Variants in PCNX1 observed in about 807,000 individuals in gnomAD.
PCNX1 encodes pecanex-like protein 1.
A neutral mutation model predicts 242.2 loss-of-function variants in PCNX1; 78 were observed. The observed-to-expected ratio is 0.32, with a 90% confidence interval of 0.27 to 0.39. PCNX1 has a LOEUF of 0.39. Among genes scored for constraint, PCNX1 ranks in the 10% least tolerant of loss-of-function variants. PCNX1 has a pLI of 1.00. For missense variants in PCNX1, 2,581 were observed against 2,856.5 expected (o/e 0.90, Z 2.20); for synonymous variants, 1,024 against 1,032.9 (o/e 0.99, Z 0.17).
chr14:71,088,539 T>G, intron 29 of PCNX1, 109 bp downstream of exon 29: 2 of 601,448 alleles, frequency 3.3e-6, no homozygotes, highest in South Asian at 2.4e-5. Flanking sequence ...TATTGTAAAG[T>G]CTTTTTAGGT....
At chr14:70,943,387 A>G (rs2057335283) in intron 1 of PCNX1, among the ~76,000 whole-genome samples, 1 of 152,144 alleles carries the variant, frequency 6.6e-6, no homozygotes, top group East Asian at 1.9e-4. Flanking sequence ...GGACATGAGG[A>G]ACTTATTAGG....
At chr14:71,074,988 C>CCCT (rs1566778437) in intron 27 of PCNX1, among the ~76,000 whole-genome samples, 1 of 135,050 alleles carries the variant, frequency 7.4e-6, no homozygotes, top group Non-Finnish European at 1.6e-5. Flanking sequence ...TTCTTTTCTT[C>CCCT]TCTTTTTTTT....
intron 2 of PCNX1, among the ~76,000 whole-genome samples, chr14:70,953,519 A>G (rs2057870107): frequency 6.6e-6 from 1 of 151,312 alleles, no homozygotes; most frequent in African/African-American, 2.4e-5. Context: ...TTAGTTATGT[A>G]TATATTACAG....
At chr14:71,004,209 A>G (rs1230159270) in intron 8 of PCNX1, among the ~76,000 whole-genome samples, 2 of 152,214 alleles carry the variant, frequency 1.3e-5, no homozygotes, top group East Asian at 1.9e-4. Context: ...TAAAGTATGT[A>G]TTATCTGGCC....
intron 2 of PCNX1, 122 bp downstream of exon 2, chr14:70,947,245 C>T (rs1344634283): frequency 3.0e-5 from 21 of 702,816 alleles, no homozygotes; most frequent in Non-Finnish European, 4.7e-5. Flanking sequence ...TAGATCTTAC[C>T]ACTGTAGATA....
intron 13 of PCNX1, among the ~76,000 whole-genome samples, chr14:71,025,291 C>G (rs954144475): frequency 6.6e-6 from 1 of 152,144 alleles, no homozygotes. Context: ...GAGTCCATCA[C>G]GCAGCTTTCT....
At chr14:71,015,205 G>T (rs1044333338) in intron 11 of PCNX1, among the ~76,000 whole-genome samples, 2 of 152,196 alleles carry the variant, frequency 1.3e-5, no homozygotes, top group Admixed American at 6.5e-5. Flanking sequence ...GTTGGAGGAT[G>T]TCTTTCAGGC....
chr14:71,006,276 C>G (rs1327950057), intron 8 of PCNX1, among the ~76,000 whole-genome samples: 2 of 152,066 alleles, frequency 1.3e-5, no homozygotes, highest in Non-Finnish European at 2.9e-5. Context: ...GCATGAGCTA[C>G]TGCGCCTGGC....
At chr14:71,043,602 T>C (rs560505057) in intron 19 of PCNX1, among the ~76,000 whole-genome samples, 1 of 150,288 alleles carries the variant, frequency 6.7e-6, no homozygotes, top group South Asian at 2.2e-4. Flanking sequence ...CTAGATCTAA[T>C]CTATTGTTGA....
chr14:70,952,498 G>A (rs1334994485), intron 2 of PCNX1, among the ~76,000 whole-genome samples: 2 of 152,042 alleles, frequency 1.3e-5, no homozygotes, highest in Admixed American at 6.5e-5. Context: ...ACTCTTCGTA[G>A]ATATTCCTGA....
At chr14:71,026,967 C>A in intron 15 of PCNX1, 85 bp downstream of exon 15, 1 of 609,698 alleles carries the variant, frequency 1.6e-6, no homozygotes, top group African/African-American at 2.0e-5. Context: ...AAATGCTTTT[C>A]CAGTTTTCAC....
At chr14:70,914,865 A>G (rs188026050) in intron 1 of PCNX1, among the ~76,000 whole-genome samples, 7 of 152,306 alleles carry the variant, frequency 4.6e-5, no homozygotes, top group Admixed American at 3.3e-4. Flanking sequence ...ATAAATGCAC[A>G]CGTTTGCGTA....
chr14:71,033,429 G>A lies in PCNX1; in HGVS notation c.3559G>A (p.Asp1187Asn). ...LYGLCYGALK[D>N]SWDGQHIPVL... is the part of the protein sequence containing the mutation. The stretch of plus-strand genomic sequence containing the variant: ...TTCTGTTAAATTCATTTTTCCGCAG[G>A]ATTCTTGGGATGGCCAGCATATTCC... The change falls in exon 17 of 36, where the codon GAT (aspartate) becomes AAT (asparagine). Residue 1187 changes from aspartate (D) to asparagine (N), a missense_variant and splice_region_variant. Physicochemically the swap from Asp to Asn is conservative, Grantham distance 23. Coordinates refer to ENST00000304743, the MANE Select transcript of PCNX1 (RefSeq NM_014982.3). 1 of 1,525,302 alleles carries A rather than the reference G, an allele frequency of 6.6e-7. No homozygotes were observed. Among genetic ancestry groups the A allele is most frequent in the Non-Finnish European group, 9.1e-7 (1 of 1,101,906 alleles). 94.5% of individuals were successfully genotyped at this position (1,525,302 alleles called of 1,614,324 possible). A position where few individuals can be genotyped will look rare whatever the true frequency, so the allele number is the denominator to read the frequency against.
chr14:70,984,501 C>T (rs2058938784), intron 6 of PCNX1, among the ~76,000 whole-genome samples: 1 of 151,206 alleles, frequency 6.6e-6, no homozygotes, highest in Non-Finnish European at 1.5e-5. Flanking sequence ...ATTCTCCTGC[C>T]TCAGCCTCCC....
chr14:70,976,250 A>G (rs2058682023), intron 5 of PCNX1, among the ~76,000 whole-genome samples: 1 of 152,174 alleles, frequency 6.6e-6, no homozygotes, highest in African/African-American at 2.4e-5. Flanking sequence ...TTTGCAGATG[A>G]GGAAACAGAT....
Position 71,105,386 on chromosome 14 carries a change from C to T in PCNX1, c.6247C>T (p.Gln2083Ter). The T allele has an allele frequency of 6.2e-7, 1 of 1,614,048 alleles. No individual in the cohort carries two copies. Among genetic ancestry groups the T allele is most frequent in the Non-Finnish European group, 8.5e-7 (1 of 1,179,966 alleles). The change falls in exon 33 of 36, where the codon CAG becomes TAG. Residue 2083 changes from glutamine to a stop codon, truncating the protein, a stop_gained. Coordinates refer to ENST00000304743, the MANE Select transcript of PCNX1 (RefSeq NM_014982.3). LOFTEE classifies it high-confidence loss of function. Reference protein sequence around the residue: ...VTQGSIGNPGQGSGTGLHPPV... With the variant: ...VTQGSIGNPG ...CCAGGGAAGCATTGGAAATCCTGGG[C>T]AGGGATCAGGAACTGGACTCCACCC...
chr14:71,003,440 A>G (rs2059568722), intron 8 of PCNX1, among the ~76,000 whole-genome samples: 1 of 152,016 alleles, frequency 6.6e-6, no homozygotes, highest in African/African-American at 2.4e-5. Flanking sequence ...TTGATATTTT[A>G]AATACAACTT....
At position 70,976,354 on chromosome 14, in the gene PCNX1, C is replaced by CTCTT. The variant is rs370904774; in HGVS notation, c.605-570_605-567dup. 1.7e-3 allele frequency among the ~76,000 whole-genome samples: 233 copies of CTCTT among 139,478 alleles called. 1 individual carries two copies. Among genetic ancestry groups the CTCTT allele is most frequent in the African/African-American group, 5.6e-3 (208 of 37,206 alleles). The allele number at this position is 139,478 out of a possible 152,430, so 91.5% of individuals were successfully genotyped here. A position where few individuals can be genotyped will look rare whatever the true frequency, so the allele number is the denominator to read the frequency against. ...CTATTTTAAGTATAGTCCTTTGTTG[C>CTCTT]TCTTTCTTTCTTTCTTTCTTTTTTT... is the stretch of plus-strand genomic sequence containing the variant. On this transcript the variant is annotated intron_variant, in intron 5 of 35. Transcript: ENST00000304743.
intron 5 of PCNX1, among the ~76,000 whole-genome samples, chr14:70,973,717 A>G (rs1011966842): frequency 6.6e-6 from 1 of 152,164 alleles, no homozygotes; most frequent in African/African-American, 2.4e-5. Context: ...GATAGGGATG[A>G]TCAGAGAGAG....
Sources: allele counts gnomAD v4.1 joint callset (sites outside exome capture counted in the v4.1 genomes callset), GRCh38; gene constraint gnomAD v4.1.1; transcripts MANE v1.5; gene names NCBI Gene and HGNC (gene_info 2026-07-23, HGNC 2026-07-21).